SNX29: variants seen among roughly 807,000 people sequenced by gnomAD.
SNX29 encodes the protein sorting nexin-29.
SNX29 carries 78 observed loss-of-function variants against 102.1 expected under a neutral mutation model. That is an observed-to-expected ratio of 0.76 (90% CI 0.64 to 0.92). The LOEUF is 0.92. Among genes scored for constraint, SNX29 ranks in the 40% least tolerant of loss-of-function variants. The pLI, the probability that SNX29 is intolerant of heterozygous loss-of-function variation, is 0.00. For missense variants in SNX29, 1,280 were observed against 1,061.7 expected, an observed-to-expected ratio of 1.21 and a Z score of -2.86; for synonymous variants, 580 against 414.5, an observed-to-expected ratio of 1.40 and a Z score of -4.85.
chr16:11,984,459 A>G (rs2055524465), intron 1 of SNX29, among the ~76,000 whole-genome samples: 1 of 151,938 alleles, frequency 6.6e-6, no homozygotes, highest in Non-Finnish European at 1.5e-5. Context: ...TGCTTTCACC[A>G]TTAACATTTC....
At chr16:12,211,388 G>A (rs1358619249) in intron 14 of SNX29, among the ~76,000 whole-genome samples, 1 of 152,130 alleles carries the variant, frequency 6.6e-6, no homozygotes, top group Non-Finnish European at 1.5e-5. Context: ...TACCTGTAAC[G>A]TGCTGGGCCC....
At chr16:12,089,096 A>G (rs534838058) in intron 11 of SNX29, among the ~76,000 whole-genome samples, 16 of 151,808 alleles carry the variant, frequency 1.1e-4, no homozygotes. Flanking sequence ...AAAAAGAAAG[A>G]AAGAAAGAGA....
intron 13 of SNX29, among the ~76,000 whole-genome samples, chr16:12,150,004 A>G (rs2055229408): frequency 6.6e-6 from 1 of 152,154 alleles, no homozygotes; most frequent in Admixed American, 6.5e-5. Flanking sequence ...TGGAGTCCAG[A>G]GTACGTTTGG....
rs1015207081 is a variant in SNX29 at position 12,568,736 on chromosome 16, G to T, written c.*107G>T. ...AGCGTGACAACCACGTCCACCTGGT[G>T]ATCCTGAGAGCACACGATTCCCAAC... is the stretch of plus-strand genomic sequence containing the variant. On this transcript the variant is annotated 3_prime_UTR_variant, in exon 21 of 21. Coordinates refer to ENST00000566228, the MANE Select transcript of SNX29 (RefSeq NM_032167.5). 11 of 1,463,766 alleles carry T rather than the reference G, an allele frequency of 7.5e-6. No homozygotes were observed. In the Middle Eastern group the frequency reaches 1.3e-3, roughly 178 times the overall value. The allele number at this position is 1,463,766 out of a possible 1,614,324, so 90.7% of individuals were successfully genotyped here.
intron 19 of SNX29, among the ~76,000 whole-genome samples, chr16:12,524,173 A>G (rs370922795): frequency 6.6e-6 from 1 of 152,064 alleles, no homozygotes; most frequent in South Asian, 2.1e-4. Flanking sequence ...TTTTCAAGAG[A>G]ATACGGAAAT....
intron 13 of SNX29, among the ~76,000 whole-genome samples, chr16:12,184,462 A>G (rs1046708570): frequency 1.3e-5 from 2 of 152,222 alleles, no homozygotes; most frequent in African/African-American, 2.4e-5. Flanking sequence ...AACAAAAGCA[A>G]TAAAGGTTCA....
chr16:12,291,676 G>A (rs1180573109), intron 15 of SNX29, among the ~76,000 whole-genome samples: 1 of 152,172 alleles, frequency 6.6e-6, no homozygotes, highest in Non-Finnish European at 1.5e-5. Flanking sequence ...GTTAACTTAG[G>A]TTCCATTCTC....
At chr16:12,301,265 C>T (rs982529662) in intron 15 of SNX29, among the ~76,000 whole-genome samples, 3 of 152,250 alleles carry the variant, frequency 2.0e-5, no homozygotes, top group African/African-American at 7.2e-5. Context: ...AGACTCCTTC[C>T]TGTACTCTGC....
At chr16:12,536,450 T>TGACTC (rs1296318794) in intron 20 of SNX29, among the ~76,000 whole-genome samples, 3 of 152,052 alleles carry the variant, frequency 2.0e-5, no homozygotes, top group African/African-American at 7.2e-5. Context: ...GGCTTGGGTT[T>TGACTC]GACTCAAGGC....
chr16:12,303,155 G>C (rs774029522), intron 15 of SNX29, among the ~76,000 whole-genome samples: 1 of 152,188 alleles, frequency 6.6e-6, no homozygotes, highest in Non-Finnish European at 1.5e-5. Context: ...ACTGGCAGTC[G>C]ATAGAGGTAT....
Position 12,505,041 on chromosome 16 carries a change from G to A in SNX29, c.2179-19661G>A, listed in dbSNP as rs145028030. ...TCCTGGGACCTTGGGAGGCCAAGACGGGACGATCACTTGAGCTCAGGAATT... is the reference window on the plus strand; with the variant it reads ...TCCTGGGACCTTGGGAGGCCAAGACAGGACGATCACTTGAGCTCAGGAATT... On this transcript the variant is annotated intron_variant, in intron 19 of 20. Coordinates refer to ENST00000566228, the MANE Select transcript of SNX29 (RefSeq NM_032167.5). 7.0e-4 allele frequency among the ~76,000 whole-genome samples: 107 copies of A among 152,252 alleles called. No individual in the cohort carries two copies. In the Middle Eastern group the frequency reaches 0.017, roughly 24 times the overall value.
chr16:12,059,743 T>C (rs1460380457), intron 8 of SNX29, among the ~76,000 whole-genome samples: 1 of 152,156 alleles, frequency 6.6e-6, no homozygotes, highest in Non-Finnish European at 1.5e-5. Context: ...GCCTGAAATA[T>C]GTACTCTCTG....
intron 20 of SNX29, chr16:12,556,676 G>C (rs765765935): frequency 6.6e-6 from 1 of 152,234 alleles, no homozygotes; most frequent in African/African-American, 2.4e-5. Context: ...GGAAGCAGTA[G>C]TCATGTGTCT....
At chr16:12,094,032 C>T (rs139444757) in intron 11 of SNX29, 1 of 152,280 alleles carries the variant, frequency 6.6e-6, no homozygotes, top group Non-Finnish European at 1.5e-5. Context: ...AAACCAGCTA[C>T]ACTGGCTGTG....
intron 14 of SNX29, among the ~76,000 whole-genome samples, chr16:12,275,883 T>C: frequency 3.9e-5 from 1 of 25,800 alleles, no homozygotes; most frequent in Non-Finnish European, 9.3e-5. Flanking sequence ...TTTTAATTGT[T>C]TTTTTTTTTT....
At chr16:12,283,451 C>G (rs2079498066) in intron 15 of SNX29, among the ~76,000 whole-genome samples, 1 of 152,014 alleles carries the variant, frequency 6.6e-6, no homozygotes, top group Non-Finnish European at 1.5e-5. Flanking sequence ...TCCTGAGTAG[C>G]TGGGACTACA....
chr16:12,310,990 A>G (rs1289024726), intron 15 of SNX29, among the ~76,000 whole-genome samples: 2 of 152,204 alleles, frequency 1.3e-5, no homozygotes, highest in Non-Finnish European at 2.9e-5. Flanking sequence ...GAAGGAGGTA[A>G]GTGATGAGAT....
chr16:12,414,907 G>C (rs2084563401), intron 18 of SNX29, among the ~76,000 whole-genome samples: 2 of 152,160 alleles, frequency 1.3e-5, no homozygotes, highest in African/African-American at 2.4e-5. Context: ...GTTTTTAGTA[G>C]AGATGGGGTT....
At chr16:12,300,865 C>T (rs2080151434) in intron 15 of SNX29, among the ~76,000 whole-genome samples, 1 of 152,148 alleles carries the variant, frequency 6.6e-6, no homozygotes, top group Non-Finnish European at 1.5e-5. Flanking sequence ...ATGCTGGTGA[C>T]ATCTCCCTAT....
Sources: gnomAD v4.1 joint callset for allele counts (sites outside exome capture counted in the v4.1 genomes callset) on GRCh38, gnomAD v4.1.1 for gene constraint, MANE v1.5 for transcripts, NCBI Gene and HGNC (gene_info 2026-07-23, HGNC 2026-07-21) for gene names.